The following CDON variants were observed in gnomAD, a reference collection of about 807,000 sequenced individuals.
CDON encodes the protein cell adhesion molecule-related/down-regulated by oncogenes.
A neutral mutation model predicts 120.9 loss-of-function variants in CDON; 73 were observed. The ratio of observed to expected loss-of-function variants is 0.60; its 90% CI spans 0.50 to 0.73. The LOEUF (loss-of-function observed/expected upper bound fraction) is 0.73. CDON is among the 30% of genes least tolerant of loss of function. The pLI is 0.00. For missense variants in CDON, 1,470 were observed against 1,587.3 expected (o/e 0.93, Z 1.26); for synonymous variants, 566 against 573.5 (o/e 0.99, Z 0.19).
At chr11:125,962,041 A>C in intron 18 of CDON, 43 bp from the exon 19 acceptor site, 1 of 1,463,244 alleles carries the variant, frequency 6.8e-7, no homozygotes, top group Non-Finnish European at 9.6e-7. Flanking sequence ...TGTCTAGAGG[A>C]ACCAATAATT....
intron 12 of CDON, among the ~76,000 whole-genome samples, chr11:125,995,993 G>T (rs1004612059): frequency 1.3e-5 from 2 of 152,114 alleles, no homozygotes; most frequent in African/African-American, 4.8e-5. Context: ...TTGTGGGGAG[G>T]GGAGGGTTCC....
intron 8 of CDON, among the ~76,000 whole-genome samples, chr11:126,007,103 A>C (rs1477529427): frequency 6.6e-6 from 1 of 152,248 alleles, no homozygotes; most frequent in African/African-American, 2.4e-5. Context: ...AGTGCTATTA[A>C]TACTGGCAAC....
chr11:126,028,614 C>A (rs1334012823), intron 1 of CDON, among the ~76,000 whole-genome samples: 2 of 152,108 alleles, frequency 1.3e-5, no homozygotes, highest in Non-Finnish European at 2.9e-5. Context: ...CCACCTGCCT[C>A]AGCCTCCCAA....
At chr11:126,020,469 G>A (rs1947601024) in intron 3 of CDON, among the ~76,000 whole-genome samples, 1 of 152,144 alleles carries the variant, frequency 6.6e-6, no homozygotes, top group African/African-American at 2.4e-5. Flanking sequence ...AGGGCTCAAA[G>A]CACTCAGCAG....
chr11:125,973,971 T>C (rs544755193), intron 18 of CDON, among the ~76,000 whole-genome samples: 70 of 152,068 alleles, frequency 4.6e-4, no homozygotes, highest in African/African-American at 1.4e-3. Flanking sequence ...TCTTGGCTCA[T>C]TGCAACCTCT....
At chr11:125,994,732 G>C in intron 13 of CDON, 139 bp downstream of exon 13, 1 of 762,356 alleles carries the variant, frequency 1.3e-6, no homozygotes, top group Non-Finnish European at 2.3e-6. Flanking sequence ...CTCTTATTTA[G>C]ACAAATATTG....
intron 1 of CDON, among the ~76,000 whole-genome samples, chr11:126,035,541 T>C (rs193213785): frequency 6.6e-6 from 1 of 152,208 alleles, no homozygotes; most frequent in Admixed American, 6.5e-5. Context: ...CATCCTACCA[T>C]GGAAGAGAGG....
At chr11:125,969,009 T>C (rs1945883242) in intron 18 of CDON, among the ~76,000 whole-genome samples, 1 of 152,210 alleles carries the variant, frequency 6.6e-6, no homozygotes, top group African/African-American at 2.4e-5. Context: ...TTATTATTAT[T>C]ATCATTGCGA....
intron 1 of CDON, among the ~76,000 whole-genome samples, chr11:126,038,755 T>C (rs1290624428): frequency 6.6e-6 from 1 of 152,196 alleles, no homozygotes; most frequent in Admixed American, 6.5e-5. Context: ...TTTTAAGATG[T>C]TTCATAACTC....
At chr11:126,005,315 A>C (rs199622954) in intron 9 of CDON, 1,528 of 29,152 alleles carry the variant, frequency 0.052, 23 homozygotes, top group East Asian at 0.15. Context: ...AAAAAAAAAA[A>C]AAACAAACAA....
chr11:125,961,660 C>T (rs747118426), intron 19 of CDON, 64 bp downstream of exon 19: 2 of 1,608,892 alleles, frequency 1.2e-6, no homozygotes. Flanking sequence ...ATCACCTTCC[C>T]ATACACAGCT....
intron 16 of CDON, among the ~76,000 whole-genome samples, chr11:125,981,697 T>C (rs1468703502): frequency 6.6e-6 from 1 of 151,962 alleles, no homozygotes; most frequent in Non-Finnish European, 1.5e-5. Flanking sequence ...AGAGAATGAA[T>C]ATATTGGGCA....
chr11:126,048,274 C>G, intron 1 of CDON, among the ~76,000 whole-genome samples: 1 of 132,776 alleles, frequency 7.5e-6, no homozygotes, highest in Non-Finnish European at 1.6e-5. Flanking sequence ...CAGAGTGAGA[C>G]TCTGTCTCAA....
At chr11:125,992,420 T>C (rs191551282) in intron 14 of CDON, among the ~76,000 whole-genome samples, 1 of 152,308 alleles carries the variant, frequency 6.6e-6, no homozygotes, top group East Asian at 1.9e-4. Context: ...GCTCAATGAA[T>C]GTTCACAAGC....
chr11:125,997,934 T>G (rs1485488616), intron 11 of CDON, among the ~76,000 whole-genome samples: 1 of 152,122 alleles, frequency 6.6e-6, no homozygotes, highest in Admixed American at 6.5e-5. Flanking sequence ...CAAAGAGAGA[T>G]AAAATCTGAC....
intron 18 of CDON, among the ~76,000 whole-genome samples, chr11:125,966,103 C>T (rs956677139): frequency 4.7e-5 from 7 of 150,264 alleles, no homozygotes; most frequent in Admixed American, 6.6e-5. Flanking sequence ...TGCCATTGCA[C>T]GCCAGCCTGG....
chr11:125,965,323 T>TA (rs1006837615), intron 18 of CDON, among the ~76,000 whole-genome samples: 40 of 152,080 alleles, frequency 2.6e-4, no homozygotes, highest in African/African-American at 8.4e-4. Context: ...TAAGAACAAC[T>TA]AAAAAAAATG....
chr11:125,976,285 G>A (rs1170918568), intron 18 of CDON, among the ~76,000 whole-genome samples: 1 of 152,170 alleles, frequency 6.6e-6, no homozygotes, highest in East Asian at 1.9e-4. Context: ...ATTATTGAGT[G>A]TCAAAATCAT....
At position 126,034,820 on chromosome 11, in the gene CDON, G is replaced by A. The variant is rs563437385; in HGVS notation, c.-61-11283C>T. Among the ~76,000 whole-genome samples the A allele has an allele frequency of 6.6e-6, 1 of 152,322 alleles. No individual in the cohort carries two copies. Among genetic ancestry groups the A allele is most frequent in the East Asian group, 1.9e-4 (1 of 5,186 alleles). Reference sequence around the variant, plus strand: ...ACTTCCACAAATCCAGCACTTGGTAGCTTTTCAAGTTTGTCACTGGAATTG... The same window carrying A: ...ACTTCCACAAATCCAGCACTTGGTAACTTTTCAAGTTTGTCACTGGAATTG... On this transcript the variant is annotated intron_variant, in intron 1 of 19. Coordinates refer to ENST00000531738, the MANE Select transcript of CDON (RefSeq NM_001378964.1). This position sits in a 1 kb window ranked among gnomAD's most constrained non-coding sequence, Gnocchi z 4.5.
Sources: allele counts gnomAD v4.1 joint callset (sites outside exome capture counted in the v4.1 genomes callset), GRCh38; gene constraint gnomAD v4.1.1; non-coding constraint Gnocchi (gnomAD v3.1); transcripts MANE v1.5; gene names NCBI Gene and HGNC (gene_info 2026-07-23, HGNC 2026-07-21).